The following NRXN3 variants were observed in gnomAD, a reference collection of about 807,000 sequenced individuals.
NRXN3 encodes the protein neurexin 3, also known as neurexin III.
Under a neutral mutation model 137.6 loss-of-function variants are expected in NRXN3, and 32 were observed. That is an observed-to-expected ratio of 0.23 (90% confidence interval 0.18 to 0.31). The LOEUF is 0.31. Ranked by LOEUF, NRXN3 falls within the 10% of genes least tolerant of loss-of-function variation. The probability of loss-of-function intolerance (pLI) is 1.00; values close to 1 mark genes in which losing one functional copy is unlikely to be tolerated. For missense variants in NRXN3, 1,574 were observed against 2,062.5 expected (o/e 0.76, Z 4.59); for synonymous variants, 798 against 784.5 (o/e 1.02, Z -0.29).
intron 4 of NRXN3, among the ~76,000 whole-genome samples, chr14:78,390,946 C>A (rs550096881): frequency 1.3e-5 from 2 of 152,122 alleles, no homozygotes; most frequent in Non-Finnish European, 2.9e-5. Context: ...CTCCATCCCC[C>A]GACAGGCCCC....
chr14:78,871,962 A>G (rs1011576156), intron 10 of NRXN3, among the ~76,000 whole-genome samples: 1 of 151,870 alleles, frequency 6.6e-6, no homozygotes, highest in Admixed American at 6.6e-5. Context: ...GTGTAAAAAC[A>G]TAGATATTCC....
chr14:78,296,660 A>G (rs2076372166), intron 3 of NRXN3, among the ~76,000 whole-genome samples: 1 of 152,170 alleles, frequency 6.6e-6, no homozygotes. Flanking sequence ...GTTTAATGAA[A>G]CTTGTTTGAC....
intron 8 of NRXN3, among the ~76,000 whole-genome samples, chr14:78,740,235 C>T (rs979474900): frequency 6.6e-6 from 1 of 152,196 alleles, no homozygotes; most frequent in African/African-American, 2.4e-5. Context: ...GGTTTTGTGG[C>T]CTTGTTTGAA....
chr14:79,688,114 G>A (rs2098702611), intron 17 of NRXN3, among the ~76,000 whole-genome samples: 2 of 149,356 alleles, frequency 1.3e-5, no homozygotes, highest in African/African-American at 4.8e-5. Context: ...GACTGATAAG[G>A]TAGTGAGACA....
intron 16 of NRXN3, among the ~76,000 whole-genome samples, chr14:79,520,597 T>C (rs560879028): frequency 1.3e-5 from 2 of 152,338 alleles, no homozygotes; most frequent in East Asian, 3.9e-4. Flanking sequence ...GCTTCATCCA[T>C]GTCCCTGCAA....
At chr14:78,706,337 A>G (rs1355828165) in intron 6 of NRXN3, among the ~76,000 whole-genome samples, 2 of 152,232 alleles carry the variant, frequency 1.3e-5, no homozygotes, top group Admixed American at 1.3e-4. Flanking sequence ...TACTCACTTG[A>G]GTGATTGCCT....
chr14:79,034,112 C>T (rs1021709342), intron 15 of NRXN3, among the ~76,000 whole-genome samples: 2 of 151,990 alleles, frequency 1.3e-5, no homozygotes, highest in African/African-American at 4.8e-5. Context: ...TGACTGATTC[C>T]TGGAGCCTCA....
chr14:79,225,998 C>T (rs1371404884), intron 15 of NRXN3, among the ~76,000 whole-genome samples: 1 of 152,108 alleles, frequency 6.6e-6, no homozygotes, highest in Non-Finnish European at 1.5e-5. Context: ...AGGATTATCT[C>T]CCTTTCTTCA....
intron 15 of NRXN3, among the ~76,000 whole-genome samples, chr14:79,008,107 C>T (rs540732459): frequency 6.8e-4 from 104 of 152,098 alleles, no homozygotes; most frequent in African/African-American, 2.4e-3. Context: ...AGGGGTTATT[C>T]GGTATTTTGG....
chr14:79,204,548 A>G (rs1407667911), intron 15 of NRXN3, among the ~76,000 whole-genome samples: 1 of 152,108 alleles, frequency 6.6e-6, no homozygotes, highest in Non-Finnish European at 1.5e-5. Flanking sequence ...GAAAAATAGC[A>G]TTGTTTAGTA....
At chr14:79,110,096 C>T (rs867839674) in intron 15 of NRXN3, among the ~76,000 whole-genome samples, 28 of 152,094 alleles carry the variant, frequency 1.8e-4, no homozygotes, top group African/African-American at 6.0e-4. Flanking sequence ...TTGTCATAGA[C>T]AATTATTTGT....
intron 10 of NRXN3, among the ~76,000 whole-genome samples, chr14:78,875,608 C>A (rs1320922073): frequency 6.6e-6 from 1 of 152,134 alleles, no homozygotes; most frequent in East Asian, 1.9e-4. Context: ...CATTTGAATA[C>A]CATTTCTCAG....
chr14:78,818,799 T>C (rs905337914), intron 10 of NRXN3, among the ~76,000 whole-genome samples: 5 of 152,176 alleles, frequency 3.3e-5, no homozygotes, highest in Admixed American at 2.6e-4. Flanking sequence ...GGAATTCTCA[T>C]AGACTGAGTA....
chr14:78,996,328 T>G (rs2099530031), intron 15 of NRXN3, among the ~76,000 whole-genome samples: 1 of 152,166 alleles, frequency 6.6e-6, no homozygotes, highest in Non-Finnish European at 1.5e-5. Flanking sequence ...GACAGAAAAG[T>G]CAAGTGATTT....
At chr14:79,682,924 A>G (rs1171651911) in intron 17 of NRXN3, among the ~76,000 whole-genome samples, 1 of 152,190 alleles carries the variant, frequency 6.6e-6, no homozygotes, top group Non-Finnish European at 1.5e-5. Context: ...TGTCACTAAT[A>G]TATTATTTAG....
At chr14:78,324,566 T>C (rs560936420) in intron 4 of NRXN3, among the ~76,000 whole-genome samples, 6 of 152,192 alleles carry the variant, frequency 3.9e-5, no homozygotes, top group Admixed American at 6.5e-5. Flanking sequence ...TTACGCAATG[T>C]GGGAAATTTA....
chr14:79,684,820 A>G (rs749528246), intron 17 of NRXN3, among the ~76,000 whole-genome samples: 7 of 152,140 alleles, frequency 4.6e-5, no homozygotes, highest in Non-Finnish European at 7.3e-5. Context: ...GGAGATGGGG[A>G]TGGGGAGTGG....
At chr14:78,362,363 G>A (rs1168444214) in intron 4 of NRXN3, among the ~76,000 whole-genome samples, 2 of 151,780 alleles carry the variant, frequency 1.3e-5, no homozygotes, top group Admixed American at 1.3e-4. Context: ...ATGGGAACTA[G>A]AGATACGCAT....
intron 10 of NRXN3, among the ~76,000 whole-genome samples, chr14:78,820,416 T>G (rs964784219): frequency 8.3e-6 from 1 of 120,308 alleles, no homozygotes; most frequent in Non-Finnish European, 1.8e-5. Context: ...GACCAGGAGA[T>G]GTTATTTCTA....
Sources: gnomAD v4.1 joint callset for allele counts (sites outside exome capture counted in the v4.1 genomes callset) on GRCh38, gnomAD v4.1.1 for gene constraint, MANE v1.5 for transcripts, NCBI Gene and HGNC (gene_info 2026-07-23, HGNC 2026-07-21) for gene names.